The following TICRR variants were observed in gnomAD, a reference collection of about 807,000 sequenced individuals.
TICRR encodes treslin.
TICRR carries 132 observed loss-of-function variants against 178.1 expected under a neutral mutation model. The observed-to-expected ratio is 0.74, with a 90% confidence interval of 0.64 to 0.86. The LOEUF (loss-of-function observed/expected upper bound fraction) is 0.86. Ranked by LOEUF, TICRR falls within the 40% of genes least tolerant of loss-of-function variation. TICRR has a pLI of 0.00. For synonymous variants in TICRR, 991 were observed against 900.7 expected (o/e 1.10, Z -1.79); for missense variants, 2,587 against 2,334.3 (o/e 1.11, Z -2.23).
intron 3 of TICRR, 29 bp from the exon 4 acceptor site, chr15:89,585,679 T>C (rs893723): frequency 0.33 from 488,349 of 1,494,280 alleles, 82,456 homozygotes; most frequent in South Asian, 0.39. Flanking sequence ...GACAATAATA[T>C]TCTCAACTAA....
chr15:89,579,327 A>G (rs562258063), intron 1 of TICRR, among the ~76,000 whole-genome samples: 1 of 152,052 alleles, frequency 6.6e-6, no homozygotes, highest in African/African-American at 2.4e-5. Flanking sequence ...ACCATACTCT[A>G]TAGTATACTG....
At position 89,582,936 on chromosome 15, in the gene TICRR, T is replaced by C. The variant is rs1184833126; in HGVS notation, c.905T>C (p.Met302Thr). The C allele has an allele frequency of 6.2e-7, 1 of 1,613,964 alleles. No homozygotes were observed. Among genetic ancestry groups the C allele is most frequent in the Non-Finnish European group, 8.5e-7 (1 of 1,179,814 alleles). ...GAGTATGAGGCCTCGTTTCCACGAA[T>C]GGAAGGAATGTTATTTCTCCCTGTT... is the stretch of plus-strand genomic sequence containing the variant. ...SPEYEASFPRMEGMLFLPVEA... is the reference protein window; with the variant it reads ...SPEYEASFPRTEGMLFLPVEA... The change falls in exon 2 of 22, where the codon ATG becomes ACG. Residue 302 changes from methionine to threonine, a missense_variant. By Grantham distance (81) the Met-to-Thr change is moderately conservative. Transcript: ENST00000268138.
chr15:89,619,641 G>T, intron 17 of TICRR, 67 bp from the exon 18 acceptor site: 1 of 1,539,928 alleles, frequency 6.5e-7, no homozygotes, highest in South Asian at 1.3e-5. Context: ...GCCCGGTTTT[G>T]GACAACATGA....
In TICRR at chr15:89,623,938, T is replaced by C; in HGVS notation, c.3628T>C (p.Cys1210Arg). The C allele has an allele frequency of 1.2e-6, 2 of 1,614,012 alleles. No homozygotes were observed. The highest frequency in any genetic ancestry group is 1.7e-6 in the Non-Finnish European group (2 of 1,180,018). ...GTQPPGFLPN[C>R]TWPHSVNSSP... ...TCAGCCGCCTGGGTTTTTGCCAAACTGTACTTGGCCACATTCAGTGAATTC... is the reference window on the plus strand; with the variant it reads ...TCAGCCGCCTGGGTTTTTGCCAAACCGTACTTGGCCACATTCAGTGAATTC... The change falls in exon 20 of 22, where the codon TGT becomes CGT. Residue 1210 changes from cysteine (C) to arginine (R), a missense_variant. By Grantham distance (180) the Cys-to-Arg change is radical (BLOSUM62 -3). Transcript: ENST00000268138.
At chr15:89,620,649 T>G (rs1436183453) in intron 18 of TICRR, among the ~76,000 whole-genome samples, 1 of 108,726 alleles carries the variant, frequency 9.2e-6, no homozygotes, top group Non-Finnish European at 2.2e-5. Flanking sequence ...AGGTGGGATT[T>G]TCCCGAGTTG....
Position 89,625,707 on chromosome 15 carries a change from TAGTA to T in TICRR, c.5400_5403del (p.Ser1800ArgfsTer47). On this transcript the variant is annotated frameshift_variant, in exon 20 of 22. Transcript: ENST00000268138. LOFTEE classifies it high-confidence loss of function. ...GTGACCTGAGAGAAGATTCAGAAGT[TAGTA>T]AGAGTAAAGAGGGGTCTCCAAGTTG... is the stretch of plus-strand genomic sequence containing the variant. 1.2e-6 allele frequency: 2 copies of T among 1,613,402 alleles called. No homozygotes were observed. Among genetic ancestry groups the T allele is most frequent in the Non-Finnish European group, 1.7e-6 (2 of 1,180,006 alleles).
intron 1 of TICRR, among the ~76,000 whole-genome samples, chr15:89,576,880 T>TAC (rs1962632039): frequency 2.1e-5 from 3 of 146,066 alleles, no homozygotes; most frequent in Non-Finnish European, 4.5e-5. Context: ...CACATATATA[T>TAC]ACACATTTAT....
intron 13 of TICRR, among the ~76,000 whole-genome samples, chr15:89,604,862 T>A (rs1400458265): frequency 6.6e-6 from 1 of 152,250 alleles, no homozygotes; most frequent in Middle Eastern, 3.4e-3. Flanking sequence ...AAGTGACAAT[T>A]GTTTAACTGA....
At chr15:89,616,558 G>T (rs1367517892) in intron 16 of TICRR, 63 bp downstream of exon 16, 2 of 1,345,042 alleles carry the variant, frequency 1.5e-6, no homozygotes, top group Non-Finnish European at 1.1e-6. Context: ...GGCCTTGTGG[G>T]CCACTACTTC....
chr15:89,626,098 A>C, intron 21 of TICRR, 37 bp downstream of exon 21: 2 of 1,604,638 alleles, frequency 1.2e-6, no homozygotes, highest in South Asian at 2.2e-5. Context: ...CTTTCCTGTG[A>C]CAGACTGTCT....
intron 17 of TICRR, among the ~76,000 whole-genome samples, chr15:89,618,894 G>A (rs1249138929): frequency 6.6e-6 from 1 of 152,246 alleles, no homozygotes; most frequent in Admixed American, 6.5e-5. Context: ...TGGAGTTCAA[G>A]GCTGCAGTGA....
chr15:89,607,273 G>T (rs1460901485), intron 14 of TICRR, among the ~76,000 whole-genome samples: 1 of 152,122 alleles, frequency 6.6e-6, no homozygotes, highest in Non-Finnish European at 1.5e-5. Context: ...AAGATATTTT[G>T]AGTGTAATAA....
intron 4 of TICRR, chr15:89,591,832 G>C: frequency 2.5e-6 from 1 of 405,526 alleles, no homozygotes; most frequent in South Asian, 8.8e-5. Context: ...AAGAACAAAA[G>C]ACTTTAAATT....
intron 12 of TICRR, among the ~76,000 whole-genome samples, chr15:89,602,452 C>T (rs981940558): frequency 2.6e-5 from 4 of 152,066 alleles, no homozygotes; most frequent in Non-Finnish European, 5.9e-5. Flanking sequence ...ATATGCAGTT[C>T]GTCATTGAAG....
chr15:89,576,084 G>A lies in TICRR; in HGVS notation c.498G>A (p.Glu166=), dbSNP rs1489894881. The stretch of plus-strand genomic sequence containing the variant: ...CCCCCTGTCCGCACTCGCAGAGGGA[G>A]CTGCTGCAGTTCGTGTCTGGGTGCG... ...LLAPCPHSQR[E]LLQFVSGCEA... is the part of the protein sequence containing the mutation. The change falls in exon 1 of 22, where the codon GAG becomes GAA. Residue 166 remains glutamate (E), a synonymous_variant. Coordinates refer to ENST00000268138, the MANE Select transcript of TICRR (RefSeq NM_152259.4). The A allele has an allele frequency of 6.2e-7, 1 of 1,612,062 alleles. No homozygotes were observed.
chr15:89,579,076 C>G (rs1447143481), intron 1 of TICRR, among the ~76,000 whole-genome samples: 1 of 152,104 alleles, frequency 6.6e-6, no homozygotes. Context: ...ATCATATTTG[C>G]AAAGATATAG....
At chr15:89,590,797 C>A (rs1263930785) in intron 4 of TICRR, among the ~76,000 whole-genome samples, 1 of 152,222 alleles carries the variant, frequency 6.6e-6, no homozygotes, top group African/African-American at 2.4e-5. Context: ...AATTCTTTCA[C>A]TGATAGAAAG....
In TICRR at chr15:89,625,933, T is replaced by TAGGCTCC; in HGVS notation, c.5477-1_5482dup. On this transcript the variant is annotated splice_region_variant and splice_polypyrimidine_tract_variant and intron_variant, in intron 20 of 21. Coordinates refer to ENST00000268138, the MANE Select transcript of TICRR (RefSeq NM_152259.4). ...CTGCTCTTACTATGTGGGATCTCTTTAGGCTCCACCCCACCTCCCAGCTGT... is the reference window on the plus strand; with the variant it reads ...CTGCTCTTACTATGTGGGATCTCTTTAGGCTCCAGGCTCCACCCCACCTCCCAGCTGT... 1.3e-6 allele frequency: 2 copies of TAGGCTCC among 1,568,254 alleles called. No individual in the cohort carries two copies. The highest frequency in any genetic ancestry group is 3.9e-5 in the Admixed American group (2 of 51,792).
rs575510092 is a variant in TICRR, at chr15:89,611,053, A to T, written c.2869+2104A>T. ...TACAGACTTAAATTATATAGGGTTT[A>T]AAAAAAAAACAAAATTACCATAATG... is the stretch of plus-strand genomic sequence containing the variant. On this transcript the variant is annotated intron_variant, in intron 15 of 21. Transcript: ENST00000268138. Among the ~76,000 whole-genome samples, 26 of 145,994 alleles carry T rather than the reference A, an allele frequency of 1.8e-4. No individual in the cohort carries two copies. In the East Asian group the frequency reaches 4.5e-3, roughly 25 times the overall value.
Sources: allele counts gnomAD v4.1 joint callset (sites outside exome capture counted in the v4.1 genomes callset), GRCh38; gene constraint gnomAD v4.1.1; transcripts MANE v1.5; gene names NCBI Gene and HGNC (gene_info 2026-07-23, HGNC 2026-07-21).